VPS13B: variants seen among roughly 807,000 people sequenced by gnomAD.
VPS13B encodes vacuolar protein sorting 13 homolog B.
Under a neutral mutation model 426.4 loss-of-function variants are expected in VPS13B, and 285 were observed. That is an observed-to-expected ratio of 0.67 (90% CI 0.61 to 0.74). VPS13B has a LOEUF of 0.74. VPS13B is among the 30% of genes least tolerant of loss of function. The pLI is 0.00. For synonymous variants in VPS13B, 1,676 were observed against 1,676.4 expected, an observed-to-expected ratio of 1.00 and a Z score of 0.01; for missense variants, 4,537 against 4,782.6, an observed-to-expected ratio of 0.95 and a Z score of 1.51.
chr8:99,418,585 G>T, intron 21 of VPS13B, among the ~76,000 whole-genome samples: 1 of 143,102 alleles, frequency 7.0e-6, no homozygotes, highest in African/African-American at 2.6e-5. Context: ...TTTTTGCTCT[G>T]TAACCCAGGC....
At chr8:99,653,155 CTG>C (rs1348932173) in intron 34 of VPS13B, among the ~76,000 whole-genome samples, 1 of 152,082 alleles carries the variant, frequency 6.6e-6, no homozygotes, top group African/African-American at 2.4e-5. Context: ...ATGGTTAAAT[CTG>C]AGTTTCAAGT....
intron 30 of VPS13B, among the ~76,000 whole-genome samples, chr8:99,548,440 A>G (rs992979255): frequency 9.2e-5 from 14 of 152,194 alleles, no homozygotes; most frequent in African/African-American, 3.4e-4. Flanking sequence ...CTAGTGAGCC[A>G]TGAGATGTGA....
chr8:99,300,402 G>C (rs9693884), intron 19 of VPS13B, among the ~76,000 whole-genome samples: 5,042 of 152,254 alleles, frequency 0.033, 119 homozygotes, highest in Non-Finnish European at 0.047. Context: ...TCTCAATAAA[G>C]CATTGGTTGT....
intron 30 of VPS13B, among the ~76,000 whole-genome samples, chr8:99,551,025 G>A (rs1824253860): frequency 6.6e-6 from 1 of 151,952 alleles, no homozygotes. Flanking sequence ...CAGATACTGT[G>A]TTCTGTAAAT....
chr8:99,821,934 C>A (rs1397169371), intron 50 of VPS13B, among the ~76,000 whole-genome samples: 1 of 152,170 alleles, frequency 6.6e-6, no homozygotes, highest in African/African-American at 2.4e-5. Flanking sequence ...TAATTCTCTC[C>A]TAGAACCACT....
At chr8:99,309,101 A>G (rs1259118887) in intron 19 of VPS13B, among the ~76,000 whole-genome samples, 42 of 152,146 alleles carry the variant, frequency 2.8e-4, no homozygotes, top group African/African-American at 8.9e-4. Context: ...AGATGAGTAG[A>G]TTGCAAAAAT....
rs147774364 is a variant in VPS13B, at chr8:99,289,032, TATGAATGA to T, written c.2824+13804_2824+13811del. On this transcript the variant is annotated intron_variant, in intron 19 of 61. Transcript: ENST00000357162. ...GACAACATAGTGAGACCCCTGCCTC[TATGAATGA>T]ATGAATGAATGAATGAATGAATGAA... Among the ~76,000 whole-genome samples, 942 of 146,764 alleles carry T rather than the reference TATGAATGA, an allele frequency of 6.4e-3. 7 individuals are homozygous for T. The highest frequency in any genetic ancestry group is 0.022 in the African/African-American group (872 of 39,378).
chr8:99,047,200 C>T (rs942231762), intron 3 of VPS13B, among the ~76,000 whole-genome samples: 1 of 151,888 alleles, frequency 6.6e-6, no homozygotes, highest in Non-Finnish European at 1.5e-5. Context: ...CTATTTCAGT[C>T]TTGCTGCTTG....
At position 99,050,718 on chromosome 8, in the gene VPS13B, G is replaced by T. The variant is rs190453392; in HGVS notation, c.291+12152G>T. Among the ~76,000 whole-genome samples, 155 of 152,118 alleles carry T rather than the reference G, an allele frequency of 1.0e-3. 2 individuals carry two copies. The East Asian group carries it at 0.025, about 25-fold the overall frequency. Reference sequence around the variant, plus strand: ...CTGTTGTTTCCTGACTTTTTAATGAGTGCCATTCTAACTGGTGTGAGATGG... The same window carrying T: ...CTGTTGTTTCCTGACTTTTTAATGATTGCCATTCTAACTGGTGTGAGATGG... On this transcript the variant is annotated intron_variant, in intron 3 of 61. Transcript: ENST00000357162.
At chr8:99,535,842 T>A (rs912621202) in intron 30 of VPS13B, among the ~76,000 whole-genome samples, 1 of 152,222 alleles carries the variant, frequency 6.6e-6, no homozygotes, top group Non-Finnish European at 1.5e-5. Context: ...ATGTTTACAT[T>A]GTGAAAACTT....
intron 3 of VPS13B, among the ~76,000 whole-genome samples, chr8:99,075,830 T>G (rs1845088859): frequency 6.6e-6 from 1 of 152,188 alleles, no homozygotes; most frequent in Non-Finnish European, 1.5e-5. Flanking sequence ...AAAGCTAACT[T>G]TTTGTTTCAT....
intron 20 of VPS13B, chr8:99,389,682 C>T (rs1315003352): frequency 6.6e-6 from 1 of 152,172 alleles, no homozygotes; most frequent in Non-Finnish European, 1.5e-5. Flanking sequence ...AGGGGTTCGT[C>T]TTGTCTCAGA....
intron 25 of VPS13B, among the ~76,000 whole-genome samples, chr8:99,499,907 T>C (rs944268952): frequency 3.9e-5 from 6 of 152,174 alleles, no homozygotes; most frequent in African/African-American, 1.4e-4. Context: ...ATCTTCCCCA[T>C]TGGGCCTCCT....
intron 34 of VPS13B, 36 bp from the exon 35 acceptor site, chr8:99,661,318 T>G: frequency 6.2e-7 from 1 of 1,612,600 alleles, no homozygotes; most frequent in Non-Finnish European, 8.5e-7. Flanking sequence ...ATTTGTGATG[T>G]AACTGATGTT....
intron 54 of VPS13B, among the ~76,000 whole-genome samples, chr8:99,848,258 T>C (rs945273957): frequency 2.9e-4 from 44 of 152,250 alleles, no homozygotes; most frequent in Non-Finnish European, 1.5e-5. Flanking sequence ...ACATTCTTGT[T>C]ACGAGTTACA....
chr8:99,013,709 C>G (rs1841442236), intron 1 of VPS13B, 51 bp from the exon 2 acceptor site: 3 of 1,574,142 alleles, frequency 1.9e-6, no homozygotes, highest in Non-Finnish European at 1.7e-6. Flanking sequence ...AACGAACGCT[C>G]TTTCCTTCAC....
chr8:99,623,584 A>T (rs1323177593), intron 33 of VPS13B, among the ~76,000 whole-genome samples: 2 of 152,140 alleles, frequency 1.3e-5, no homozygotes, highest in African/African-American at 2.4e-5. Flanking sequence ...ATAATTAATG[A>T]ATCACCGCAA....
intron 19 of VPS13B, 78 bp from the exon 20 acceptor site, chr8:99,384,130 C>G: frequency 8.5e-7 from 1 of 1,170,494 alleles, no homozygotes. Context: ...CATAGCTATC[C>G]TACATGGTGT....
chr8:99,234,516 C>T (rs749288139), intron 17 of VPS13B: 29 of 500,496 alleles, frequency 5.8e-5, no homozygotes, highest in Non-Finnish European at 7.6e-5. Flanking sequence ...GGGGCTTCCG[C>T]GGGGTTGGGG....
Sources: allele counts gnomAD v4.1 joint callset (sites outside exome capture counted in the v4.1 genomes callset), GRCh38; gene constraint gnomAD v4.1.1; transcripts MANE v1.5; gene names NCBI Gene and HGNC (gene_info 2026-07-23, HGNC 2026-07-21).